CLCN5: variants seen among roughly 807,000 people sequenced by gnomAD.
CLCN5 encodes the protein Cl-/H+ antiporter 5.
Under a neutral mutation model 54.0 loss-of-function variants are expected in CLCN5, and 17 were observed. The observed-to-expected ratio is 0.31, with a 90% CI of 0.22 to 0.47. The LOEUF is 0.47. Among genes scored for constraint, CLCN5 ranks in the 20% least tolerant of loss-of-function variants. The pLI is 1.00. For missense variants in CLCN5, 448 were observed against 646.7 expected, an observed-to-expected ratio of 0.69 and a Z score of 3.33; for synonymous variants, 222 against 233.0, an observed-to-expected ratio of 0.95 and a Z score of 0.43.
intron 4 of CLCN5, among the ~76,000 whole-genome samples, chrX:50,048,301 C>T (rs1932462989): frequency 8.9e-6 from 1 of 112,782 alleles, no homozygotes; most frequent in African/African-American, 3.2e-5. Flanking sequence ...CCTCTGCTCA[C>T]CTCCTGCTAC....
intron 3 of CLCN5, among the ~76,000 whole-genome samples, chrX:50,009,471 C>G (rs1930377358): frequency 8.9e-6 from 1 of 111,855 alleles, no homozygotes; most frequent in Non-Finnish European, 1.9e-5. Context: ...CCAAATACAT[C>G]CAGCACCTGC....
rs1328565005 is a variant in CLCN5, at chrX:50,097,371, G to C, written c.*5152G>C. The C allele has an allele frequency of 1.8e-5, 2 of 111,956 alleles. No individual in the cohort carries two copies. Among genetic ancestry groups the C allele is most frequent in the Non-Finnish European group, 3.8e-5 (2 of 53,170 alleles). The allele number at this position is 111,956 out of a possible 1,213,427, so 9.2% of individuals were successfully genotyped here. ...AGAAAGAAAGTATATGACGTGTGGA[G>C]TTTGCATTTCTTGGATGGGACCTAT... On this transcript the variant is annotated 3_prime_UTR_variant, in exon 15 of 15. Coordinates refer to ENST00000376091, the MANE Select transcript of CLCN5 (RefSeq NM_001127898.4).
intron 9 of CLCN5, among the ~76,000 whole-genome samples, chrX:50,082,779 A>G (rs1443186510): frequency 1.8e-5 from 2 of 112,233 alleles, no homozygotes; most frequent in Non-Finnish European, 3.8e-5. Flanking sequence ...GAAGTTGTTT[A>G]TTGCTATGGA....
At chrX:49,969,278 A>G (rs1035233618) in intron 3 of CLCN5, among the ~76,000 whole-genome samples, 14 of 111,286 alleles carry the variant, frequency 1.3e-4, no homozygotes, top group Admixed American at 5.7e-4. Context: ...GGGTTTTGCC[A>G]TGTTGGCCAG....
intron 4 of CLCN5, among the ~76,000 whole-genome samples, chrX:50,057,952 C>T (rs1203380996): frequency 9.1e-6 from 1 of 110,090 alleles, no homozygotes; most frequent in African/African-American, 3.3e-5. Context: ...AAGCAGGATG[C>T]GGGTATGGAA....
chrX:49,978,759 A>G (rs1928596150), intron 3 of CLCN5, among the ~76,000 whole-genome samples: 1 of 111,913 alleles, frequency 8.9e-6, no homozygotes, highest in Admixed American at 9.4e-5. Flanking sequence ...AACCTATTTT[A>G]AGTGTGCCTT....
intron 4 of CLCN5, among the ~76,000 whole-genome samples, chrX:50,058,964 G>A (rs1466142135): frequency 1.8e-5 from 2 of 111,264 alleles, no homozygotes; most frequent in Non-Finnish European, 3.8e-5. Context: ...TTAATGCATT[G>A]TTTTTTTGAA....
intron 4 of CLCN5, among the ~76,000 whole-genome samples, chrX:50,048,312 G>A (rs1932463430): frequency 8.9e-6 from 1 of 112,623 alleles, no homozygotes; most frequent in South Asian, 3.7e-4. Flanking sequence ...CTCCTGCTAC[G>A]CGGACTGGTT....
rs1171739721 is a variant in CLCN5, at chrX:49,941,686, G to A, written c.16+16372G>A. 8.1e-5 allele frequency among the ~76,000 whole-genome samples: 9 copies of A among 110,614 alleles called. No individual in the cohort carries two copies. The Admixed American group carries it at 8.8e-4, about 11-fold the overall frequency. On this transcript the variant is annotated intron_variant, in intron 3 of 14. Transcript: ENST00000376091. The stretch of plus-strand genomic sequence containing the variant: ...GGTTCAACTGCAAACCAAACTCCAG[G>A]CAGCTCCTCATATTCTGGTTCCCAC...
intron 3 of CLCN5, among the ~76,000 whole-genome samples, chrX:49,984,271 T>C (rs1557178023): frequency 8.9e-6 from 1 of 112,194 alleles, no homozygotes; most frequent in African/African-American, 3.2e-5. Flanking sequence ...ATCCAACTGA[T>C]CATGACAAAC....
chrX:49,995,200 G>T (rs1241198782), intron 3 of CLCN5, among the ~76,000 whole-genome samples: 1 of 111,381 alleles, frequency 9.0e-6, no homozygotes, highest in East Asian at 2.8e-4. Flanking sequence ...TGGAGTGTGT[G>T]TCCCTAAACC....
At chrX:49,980,735 C>T (rs2036541) in intron 3 of CLCN5, among the ~76,000 whole-genome samples, 13,259 of 110,996 alleles carry the variant, frequency 0.12, 1,926 homozygotes, top group African/African-American at 0.42. Context: ...TAAAATATGA[C>T]ATACCATTTA....
chrX:49,976,915 T>C (rs1178433672), intron 3 of CLCN5, among the ~76,000 whole-genome samples: 3 of 111,416 alleles, frequency 2.7e-5, no homozygotes, highest in Non-Finnish European at 5.6e-5. Context: ...AGGCTAATTT[T>C]GGTTACTTGA....
At chrX:50,065,077 T>A (rs1236956439) in intron 4 of CLCN5, among the ~76,000 whole-genome samples, 31 of 103,131 alleles carry the variant, frequency 3.0e-4, no homozygotes, top group Admixed American at 2.0e-3. Context: ...AACCTAGGCA[T>A]TACCATTCAG....
At chrX:50,044,021 A>G (rs1290998001) in intron 4 of CLCN5, among the ~76,000 whole-genome samples, 1 of 111,861 alleles carries the variant, frequency 8.9e-6, no homozygotes, top group Admixed American at 9.6e-5. Flanking sequence ...CAAGGCTTGA[A>G]GATACCATCC....
intron 14 of CLCN5, 84 bp downstream of exon 14, chrX:50,090,970 A>G: frequency 2.5e-6 from 2 of 809,166 alleles, no homozygotes; most frequent in Non-Finnish European, 3.7e-6. Flanking sequence ...AGTAGAACCC[A>G]GTTTAAATGA....
intron 4 of CLCN5, among the ~76,000 whole-genome samples, chrX:50,056,060 T>G (rs1237361150): frequency 9.2e-6 from 1 of 109,206 alleles, no homozygotes. Flanking sequence ...TAGATATATA[T>G]ATATATGCTT....
At chrX:50,032,897 A>G (rs1462535337) in intron 3 of CLCN5, among the ~76,000 whole-genome samples, 1 of 110,974 alleles carries the variant, frequency 9.0e-6, no homozygotes, top group Non-Finnish European at 1.9e-5. Context: ...TAATTTTTGT[A>G]TAAGGTGTAA....
At chrX:49,960,947 G>A (rs1927566745) in intron 3 of CLCN5, among the ~76,000 whole-genome samples, 1 of 111,355 alleles carries the variant, frequency 9.0e-6, no homozygotes, top group Non-Finnish European at 1.9e-5. Flanking sequence ...CTTGAAATCT[G>A]GCTTCTGTAC....
Sources: gnomAD v4.1 joint callset for allele counts (sites outside exome capture counted in the v4.1 genomes callset) on GRCh38, gnomAD v4.1.1 for gene constraint, MANE v1.5 for transcripts, NCBI Gene and HGNC (gene_info 2026-07-23, HGNC 2026-07-21) for gene names.